Variants in LRP4 observed in about 807,000 individuals in gnomAD.
LRP4 encodes the protein low-density lipoprotein receptor-related protein 4.
In LRP4, 95 loss-of-function variants were observed where a neutral mutation model predicts 220.3. The ratio of observed to expected loss-of-function variants is 0.43; its 90% CI spans 0.37 to 0.51. LRP4 has a LOEUF of 0.51. Ranked by LOEUF, LRP4 falls within the 20% of genes least tolerant of loss-of-function variation. LRP4 has a pLI of 0.00. For synonymous variants in LRP4, 903 were observed against 954.6 expected, an observed-to-expected ratio of 0.95 and a Z score of 1.00; for missense variants, 1,925 against 2,567.0, an observed-to-expected ratio of 0.75 and a Z score of 5.40.
intron 22 of LRP4, among the ~76,000 whole-genome samples, chr11:46,877,627 C>A (rs1941052986): frequency 6.6e-6 from 1 of 151,986 alleles, no homozygotes; most frequent in African/African-American, 2.4e-5. Context: ...ACCACCATGC[C>A]CAGCTAATTT....
At chr11:46,861,752 CAAAG>C (rs1243980088) in intron 37 of LRP4, among the ~76,000 whole-genome samples, 1 of 151,672 alleles carries the variant, frequency 6.6e-6, no homozygotes, top group Non-Finnish European at 1.5e-5. Flanking sequence ...ATTGAAGTGA[CAAAG>C]AAGTTAAAAA....
chr11:46,880,111 AAAAC>A (rs1184164139), intron 20 of LRP4, among the ~76,000 whole-genome samples: 1 of 152,174 alleles, frequency 6.6e-6, no homozygotes, highest in Admixed American at 6.5e-5. Context: ...GTCTCAAAAC[AAAAC>A]AAACAAACAA....
At chr11:46,915,517 G>A (rs1000217367) in intron 1 of LRP4, among the ~76,000 whole-genome samples, 3 of 152,150 alleles carry the variant, frequency 2.0e-5, no homozygotes. Context: ...AAGCCCCAAG[G>A]ACTAGCAGCA....
intron 30 of LRP4, 58 bp from the exon 31 acceptor site, chr11:46,871,691 T>C: frequency 1.7e-6 from 2 of 1,161,298 alleles, no homozygotes; most frequent in Non-Finnish European, 2.5e-6. Context: ...GCCCAGCTCT[T>C]CCCCCTATGA....
rs1940867566 is a variant in LRP4, at chr11:46,871,651, A to G, written c.4584-18T>C. On this transcript the variant is annotated intron_variant, in intron 30 of 37. Coordinates refer to ENST00000378623, the MANE Select transcript of LRP4 (RefSeq NM_002334.4). The stretch of plus-strand genomic sequence containing the variant: ...AGTAGATCCTGCGAAGAAAATGAAA[A>G]GAGTGGCTGCTCCAAACGCTTGCCA... 1 of 1,546,848 alleles carries G rather than the reference A, an allele frequency of 6.5e-7. No homozygotes were observed. Among genetic ancestry groups the G allele is most frequent in the Non-Finnish European group, 8.9e-7 (1 of 1,126,842 alleles).
chr11:46,863,892 C>T (rs541771499), intron 36 of LRP4, among the ~76,000 whole-genome samples: 9 of 152,042 alleles, frequency 5.9e-5, no homozygotes, highest in Admixed American at 2.0e-4. Context: ...GTAACTGTTA[C>T]GATGATGATG....
chr11:46,889,684 G>C (rs1358328832), intron 15 of LRP4, 151 bp from the exon 16 acceptor site: 9 of 1,050,404 alleles, frequency 8.6e-6, no homozygotes, highest in Non-Finnish European at 1.1e-5. Context: ...CTAGCACAGT[G>C]AGTACCCGGC....
chr11:46,915,807 A>G (rs2134893282), intron 1 of LRP4, among the ~76,000 whole-genome samples: 1 of 152,230 alleles, frequency 6.6e-6, no homozygotes, highest in East Asian at 1.9e-4. Context: ...GCCTCCCAAA[A>G]TCACCTTAAA....
At position 46,857,426 on chromosome 11, in the gene LRP4, T is replaced by C. The variant is rs1592504440; in HGVS notation, c.*1557A>G. On this transcript the variant is annotated 3_prime_UTR_variant, in exon 38 of 38. Coordinates refer to ENST00000378623, the MANE Select transcript of LRP4 (RefSeq NM_002334.4). ...TTCCCCTAGAAATTCTCCCCTCCAT[T>C]CCCAGCCCCTGTTGTTCTCTCCTGC... 1 of 152,144 alleles carries C rather than the reference T, an allele frequency of 6.6e-6. No homozygotes were observed. Among genetic ancestry groups the C allele is most frequent in the East Asian group, 1.9e-4 (1 of 5,194 alleles). The allele number at this position is 152,144 out of a possible 1,614,324, so 9.4% of individuals were successfully genotyped here. A position where few individuals can be genotyped will look rare whatever the true frequency, so the allele number is the denominator to read the frequency against.
rs762437676 is a variant in LRP4, at chr11:46,871,652, G to A, written c.4584-19C>T. On this transcript the variant is annotated intron_variant, in intron 30 of 37. Transcript: ENST00000378623. ...GTAGATCCTGCGAAGAAAATGAAAA[G>A]AGTGGCTGCTCCAAACGCTTGCCAG... The A allele has an allele frequency of 6.5e-7, 1 of 1,543,154 alleles. No homozygotes were observed. The highest frequency in any genetic ancestry group is 1.2e-5 in the South Asian group (1 of 86,504).
chr11:46,912,814 C>T (rs1941885288), intron 1 of LRP4, among the ~76,000 whole-genome samples: 1 of 152,242 alleles, frequency 6.6e-6, no homozygotes, highest in Non-Finnish European at 1.5e-5. Context: ...GAGGGTCCCT[C>T]TCCCGCAAAA....
At position 46,873,356 on chromosome 11, in the gene LRP4, C is replaced by T; in HGVS notation, c.4448+19G>A. The T allele has an allele frequency of 6.2e-7, 1 of 1,613,788 alleles. No individual in the cohort carries two copies. The highest frequency in any genetic ancestry group is 8.5e-7 in the Non-Finnish European group (1 of 1,179,774). ...AGCCCTTCTTCCCTGGATCTCTCTT[C>T]TGCTGGCCATAAACTTACCCCTTCC... On this transcript the variant is annotated intron_variant, in intron 29 of 37. Transcript: ENST00000378623. This position sits in a 1 kb window ranked among gnomAD's most constrained non-coding sequence, Gnocchi z 4.2.
Position 46,895,942 on chromosome 11 carries a change from T to A in LRP4, c.1125A>T (p.Ala375=). The part of the protein sequence containing the change: ...CAQKCQMVRG[A]VQCTCHTGYR... ...AGCCTGTGTGGCAGGTACACTGCAC[T>A]GCCCCCCGCACCATCTGGCACTTCT... is the stretch of plus-strand genomic sequence containing the variant. Residue 375 remains alanine, a synonymous_variant, in exon 10 of 38, where the codon GCA becomes GCT. Coordinates refer to ENST00000378623, the MANE Select transcript of LRP4 (RefSeq NM_002334.4). 6.2e-7 allele frequency: 1 copy of A among 1,614,024 alleles called. No individual in the cohort carries two copies. Among genetic ancestry groups the A allele is most frequent in the Non-Finnish European group, 8.5e-7 (1 of 1,180,018 alleles).
intron 31 of LRP4, among the ~76,000 whole-genome samples, chr11:46,869,487 T>C (rs569079695): frequency 1.3e-5 from 2 of 152,282 alleles, no homozygotes; most frequent in South Asian, 2.1e-4. Flanking sequence ...TCAGTCCCCA[T>C]TTAGTTGATT....
intron 28 of LRP4, chr11:46,874,163 G>C (rs1455739894): frequency 6.1e-6 from 1 of 164,102 alleles, no homozygotes. Context: ...CCTCAGAATG[G>C]GGAGCATGTC....
At position 46,869,030 on chromosome 11, in the gene LRP4, C is replaced by T; in HGVS notation, c.4795G>A (p.Gly1599Arg). 1 of 1,614,204 alleles carries T rather than the reference C, an allele frequency of 6.2e-7. No homozygotes were observed. Among genetic ancestry groups the T allele is most frequent in the Non-Finnish European group, 8.5e-7 (1 of 1,180,042 alleles). ...GAAACCACGATGATATCCATGAGTC[C>T]TTCCACATTTGCCAGCACTGTCTCC... is the stretch of plus-strand genomic sequence containing the variant. ...NKETVLANVE[G>R]LMDIIVVSPQ... The change falls in exon 32 of 38, where the codon GGA (glycine) becomes AGA (arginine). Residue 1599 changes from glycine (G) to arginine (R), a missense_variant. Transcript: ENST00000378623.
At position 46,899,408 on chromosome 11, in the gene LRP4, C is replaced by T. The variant is rs1185458127; in HGVS notation, c.526G>A (p.Gly176Ser). 6.2e-7 allele frequency: 1 copy of T among 1,613,952 alleles called. No homozygotes were observed. Among genetic ancestry groups the T allele is most frequent in the Non-Finnish European group, 8.5e-7 (1 of 1,179,932 alleles). The change falls in exon 5 of 38, where the codon GGC becomes AGC. Residue 176 changes from glycine (G) to serine (S), a missense_variant. By Grantham distance (56) the Gly-to-Ser change is moderately conservative. Transcript: ENST00000378623. The surrounding 1 kb of genome is among the most constrained non-coding windows in gnomAD (Gnocchi z 5.9). ...TCACGACAGTTCTCCTCATCGGAGC[C>T]ATCTTTGCAGTCGGTGTCACCGTCG... Reference protein sequence around the residue: ...YCDGDTDCKDGSDEENCPSAV... With the variant: ...YCDGDTDCKDSSDEENCPSAV...
At position 46,889,436 on chromosome 11, in the gene LRP4, C is replaced by T; in HGVS notation, c.2190G>A (p.Lys730=). The stretch of plus-strand genomic sequence containing the variant: ...TCTGGGCACAGGCGTGGCTGCTGAT[C>T]TTGCGGAAGCCAGTGGGGCAGGCAC... The part of the protein sequence containing the change: ...YTCACPTGFR[K]ISSHACAQSL... The change falls in exon 16 of 38, where the codon AAG becomes AAA. Residue 730 remains lysine, a synonymous_variant. Transcript: ENST00000378623. The T allele has an allele frequency of 6.2e-7, 1 of 1,614,154 alleles. No individual in the cohort carries two copies. The highest frequency in any genetic ancestry group is 8.5e-7 in the Non-Finnish European group (1 of 1,180,038).
rs372893884 is a variant in LRP4 at position 46,899,484 on chromosome 11, G to A, written c.450C>T (p.Asp150=). ...TTCCGTCACTACAGCGGAACTCCTT[G>A]TCGGAGCACTTGCGCATGTCTGGGG... The part of the protein sequence containing the change: ...DEQCDMRKCS[D]KEFRCSDGSC... The change falls in exon 5 of 38, where the codon GAC becomes GAT. Residue 150 remains aspartate, a synonymous_variant. Transcript: ENST00000378623. The surrounding 1 kb of genome is among the most constrained non-coding windows in gnomAD (Gnocchi z 5.9). The A allele has an allele frequency of 6.2e-7, 1 of 1,613,578 alleles. No homozygotes were observed. Among genetic ancestry groups the A allele is most frequent in the African/African-American group, 1.3e-5 (1 of 74,932 alleles).
Sources: allele counts gnomAD v4.1 joint callset (sites outside exome capture counted in the v4.1 genomes callset), GRCh38; gene constraint gnomAD v4.1.1; non-coding constraint Gnocchi (gnomAD v3.1); transcripts MANE v1.5; gene names NCBI Gene and HGNC (gene_info 2026-07-23, HGNC 2026-07-21).